Variants in FHAD1 observed in about 807,000 individuals in gnomAD.
FHAD1 encodes the protein forkhead-associated domain-containing protein 1.
In FHAD1, 146 loss-of-function variants were observed where a neutral mutation model predicts 191.3. The observed-to-expected ratio is 0.76, with a 90% confidence interval of 0.67 to 0.88. The LOEUF (loss-of-function observed/expected upper bound fraction) is 0.88, where lower values mean the gene tolerates loss of function less well. Among genes scored for constraint, FHAD1 ranks in the 40% least tolerant of loss-of-function variants. FHAD1 has a pLI of 0.00. For missense variants in FHAD1, 1,635 were observed against 1,785.8 expected, an observed-to-expected ratio of 0.92 and a Z score of 1.52; for synonymous variants, 616 against 672.3, an observed-to-expected ratio of 0.92 and a Z score of 1.29.
chr1:15,340,904 G>A (rs185531492), intron 15 of FHAD1, among the ~76,000 whole-genome samples: 22 of 152,214 alleles, frequency 1.4e-4, no homozygotes, highest in Non-Finnish European at 2.2e-4. Context: ...TATTTACGGC[G>A]GGCACGGTGG....
chr1:15,310,357 A>G (rs1671882981), intron 7 of FHAD1, among the ~76,000 whole-genome samples: 1 of 152,090 alleles, frequency 6.6e-6, no homozygotes, highest in African/African-American at 2.4e-5. Flanking sequence ...CCTAACATGG[A>G]ATGTTCTTGG....
intron 33 of FHAD1, among the ~76,000 whole-genome samples, chr1:15,395,189 C>G (rs1487646338): frequency 1.3e-5 from 2 of 151,692 alleles, no homozygotes; most frequent in African/African-American, 4.9e-5. Flanking sequence ...TGGCGGGCAC[C>G]TGTTGTCCCA....
intron 33 of FHAD1, among the ~76,000 whole-genome samples, chr1:15,394,917 T>C (rs937396910): frequency 6.6e-6 from 1 of 152,144 alleles, no homozygotes; most frequent in Non-Finnish European, 1.5e-5. Context: ...GTGTCCAGAA[T>C]TGTTTGCGAG....
At chr1:15,267,821 A>C (rs1173814037) in intron 2 of FHAD1, among the ~76,000 whole-genome samples, 1 of 147,318 alleles carries the variant, frequency 6.8e-6, no homozygotes, top group Non-Finnish European at 1.5e-5. Flanking sequence ...ATAAATATAA[A>C]TTTTATATAG....
chr1:15,261,923 A>G (rs565358295), intron 2 of FHAD1, among the ~76,000 whole-genome samples: 1 of 152,254 alleles, frequency 6.6e-6, no homozygotes, highest in South Asian at 2.1e-4. Flanking sequence ...ACTCGAGCCC[A>G]GGGGTTCAAG....
chr1:15,295,704 G>T (rs1285507302), intron 4 of FHAD1, among the ~76,000 whole-genome samples: 1 of 152,166 alleles, frequency 6.6e-6, no homozygotes. Context: ...CTCCACAAAT[G>T]TGGAACCCAC....
intron 2 of FHAD1, among the ~76,000 whole-genome samples, chr1:15,255,385 A>G (rs1573675953): frequency 6.6e-6 from 1 of 152,260 alleles, no homozygotes; most frequent in African/African-American, 2.4e-5. Context: ...AATAAAAATC[A>G]CTTGTAATCA....
chr1:15,301,492 G>A lies in FHAD1; in HGVS notation c.915+51G>A, dbSNP rs1668751343. 2.0e-6 allele frequency: 3 copies of A among 1,516,012 alleles called. No individual in the cohort carries two copies. In the East Asian group the frequency reaches 7.4e-5, roughly 37 times the overall value. 93.9% of individuals were successfully genotyped at this position (1,516,012 alleles called of 1,614,324 possible). The stretch of plus-strand genomic sequence containing the variant: ...ACAGCTCTCAGGCCAAGGCCCGGGA[G>A]GCCCCAGGACCACCAACCAAGGTGA... On this transcript the variant is annotated intron_variant, in intron 6 of 33. Transcript: ENST00000688493.
intron 10 of FHAD1, among the ~76,000 whole-genome samples, chr1:15,321,360 G>A (rs1168221408): frequency 6.6e-6 from 1 of 152,160 alleles, no homozygotes; most frequent in East Asian, 1.9e-4. Context: ...AATATTTAGT[G>A]AGTTTTTAAC....
At chr1:15,304,883 G>A (rs1669928358) in intron 6 of FHAD1, among the ~76,000 whole-genome samples, 1 of 152,006 alleles carries the variant, frequency 6.6e-6, no homozygotes, top group Non-Finnish European at 1.5e-5. Context: ...GGTTTTCAGG[G>A]ACAGACACTA....
intron 31 of FHAD1, chr1:15,383,847 T>C (rs1302070179): frequency 4.5e-6 from 2 of 446,126 alleles, no homozygotes; most frequent in South Asian, 1.6e-5. Context: ...GGCGCCCAAG[T>C]GCACACAGCG....
rs911658596 is a variant in FHAD1, at chr1:15,380,890, A to G, written c.3801+94A>G. The stretch of plus-strand genomic sequence containing the variant: ...AGGATAGTTTAAATATCAACCTCAC[A>G]TGCCTATTTAGTTACTCTAATAACT... On this transcript the variant is annotated intron_variant, in intron 29 of 33. Transcript: ENST00000688493. 1.4e-5 allele frequency: 12 copies of G among 874,718 alleles called. No individual in the cohort carries two copies. The Admixed American group carries it at 1.7e-4, about 12-fold the overall frequency. 54.2% of individuals were successfully genotyped at this position (874,718 alleles called of 1,614,324 possible). A position where few individuals can be genotyped will look rare whatever the true frequency, so the allele number is the denominator to read the frequency against.
At chr1:15,341,335 G>C (rs1167040188) in intron 15 of FHAD1, among the ~76,000 whole-genome samples, 1 of 152,186 alleles carries the variant, frequency 6.6e-6, no homozygotes, top group African/African-American at 2.4e-5. Context: ...CAGCTAATGG[G>C]TGAAGAATCA....
At chr1:15,345,373 TC>T in intron 17 of FHAD1, 42 bp from the exon 18 acceptor site, 1 of 1,528,910 alleles carries the variant, frequency 6.5e-7, no homozygotes, top group Non-Finnish European at 8.9e-7. Flanking sequence ...TCCAGTTTCC[TC>T]CCATGGTAAC....
chr1:15,353,560 C>T (rs1691597099), intron 20 of FHAD1, among the ~76,000 whole-genome samples: 1 of 151,918 alleles, frequency 6.6e-6, no homozygotes, highest in Admixed American at 6.6e-5. Context: ...CAAAAATTAG[C>T]TGGGCGTGGT....
At chr1:15,372,759 A>C (rs906435804) in intron 26 of FHAD1, among the ~76,000 whole-genome samples, 3 of 152,382 alleles carry the variant, frequency 2.0e-5, no homozygotes, top group Admixed American at 1.3e-4. Context: ...AAAGAGCCAG[A>C]TTGTCAGTTT....
intron 19 of FHAD1, among the ~76,000 whole-genome samples, chr1:15,350,237 C>T (rs543445576): frequency 1.4e-4 from 22 of 152,274 alleles, no homozygotes; most frequent in Non-Finnish European, 2.8e-4. Flanking sequence ...GGCCAGGCTG[C>T]CAGAGCTTCC....
chr1:15,286,725 A>G (rs768882122), intron 3 of FHAD1, among the ~76,000 whole-genome samples: 5 of 152,144 alleles, frequency 3.3e-5, no homozygotes, highest in Non-Finnish European at 1.5e-5. Flanking sequence ...ATTGGCCGAG[A>G]GAGGGAGGGA....
chr1:15,396,324 GAA>G (rs559665415), intron 33 of FHAD1, among the ~76,000 whole-genome samples: 1 of 132,038 alleles, frequency 7.6e-6, no homozygotes, highest in African/African-American at 2.8e-5. Context: ...CCCATATCAA[GAA>G]AAAAAAAAAG....
Sources: gnomAD v4.1 joint callset for allele counts (sites outside exome capture counted in the v4.1 genomes callset) on GRCh38, gnomAD v4.1.1 for gene constraint, MANE v1.5 for transcripts, NCBI Gene and HGNC (gene_info 2026-07-23, HGNC 2026-07-21) for gene names.